Variants in RGS8 observed in about 807,000 individuals in gnomAD.
RGS8 encodes the protein regulator of G protein signaling 8, also known as regulator of G-protein signaling 8.
A neutral mutation model predicts 21.7 loss-of-function variants in RGS8; 8 were observed. That is an observed-to-expected ratio of 0.37 (90% CI 0.22 to 0.66). The LOEUF is 0.66. RGS8 is among the 30% of genes least tolerant of loss of function. The pLI is 0.59. For missense variants in RGS8, 157 were observed against 217.9 expected (o/e 0.72, Z 1.76); for synonymous variants, 80 against 83.6 (o/e 0.96, Z 0.24).
upstream of RGS8, among the ~76,000 whole-genome samples, chr1:182,685,371 C>T (rs1243368277): frequency 6.6e-6 from 1 of 152,206 alleles, no homozygotes; most frequent in Non-Finnish European, 1.5e-5. Context: ...GGAGAGGTGA[C>T]CCTTCACATG....
the RGS8 span, among the ~76,000 whole-genome samples, chr1:182,715,889 C>T: frequency 6.6e-6 from 1 of 152,094 alleles, no homozygotes; most frequent in Non-Finnish European, 1.5e-5. Flanking sequence ...AAAAATTGCT[C>T]TAAAAACACA....
At chr1:182,724,843 C>T in the RGS8 span, among the ~76,000 whole-genome samples, 361 of 152,340 alleles carry the variant, frequency 2.4e-3, 3 homozygotes, top group Non-Finnish European at 3.6e-3. Context: ...CAGGCATGAG[C>T]CACCGCGCCC....
At chr1:182,710,787 C>T in the RGS8 span, among the ~76,000 whole-genome samples, 3 of 152,114 alleles carry the variant, frequency 2.0e-5, no homozygotes, top group African/African-American at 4.8e-5. Flanking sequence ...CAGAAAAGGA[C>T]CTGAAAATGT....
chr1:182,663,566 T>C (rs752976934), intron 5 of RGS8, among the ~76,000 whole-genome samples: 2 of 152,196 alleles, frequency 1.3e-5, no homozygotes, highest in Non-Finnish European at 2.9e-5. Flanking sequence ...TCTCACTCCG[T>C]CACCCAGGCT....
chr1:182,686,044 C>T (rs1018061834), upstream of RGS8, among the ~76,000 whole-genome samples: 1 of 152,144 alleles, frequency 6.6e-6, no homozygotes. Flanking sequence ...TCAGAGGAGG[C>T]GTCCTCTGGA....
intron 5 of RGS8, among the ~76,000 whole-genome samples, chr1:182,656,292 C>A (rs893686892): frequency 1.3e-5 from 2 of 152,094 alleles, no homozygotes; most frequent in African/African-American, 2.4e-5. Context: ...ACTGTAAGCC[C>A]AAATCAGGCA....
the RGS8 span, among the ~76,000 whole-genome samples, chr1:182,741,113 A>C: frequency 6.7e-6 from 1 of 149,938 alleles, no homozygotes; most frequent in Non-Finnish European, 1.5e-5. Context: ...GGGGCTCCTC[A>C]CTTCCCAGTA....
chr1:182,726,827 T>C, the RGS8 span, among the ~76,000 whole-genome samples: 1 of 152,300 alleles, frequency 6.6e-6, no homozygotes, highest in East Asian at 1.9e-4. Context: ...TGATGGAAGC[T>C]AGCCACAACA....
At chr1:182,746,654 A>G in the RGS8 span, among the ~76,000 whole-genome samples, 1 of 152,060 alleles carries the variant, frequency 6.6e-6, no homozygotes, top group South Asian at 2.1e-4. Context: ...TCTGTCAAAA[A>G]AAGAAAGAAA....
chr1:182,723,323 T>C, the RGS8 span, among the ~76,000 whole-genome samples: 1 of 152,162 alleles, frequency 6.6e-6, no homozygotes, highest in Non-Finnish European at 1.5e-5. Context: ...AAGGCTCAAC[T>C]AGGGCTGGAG....
the RGS8 span, among the ~76,000 whole-genome samples, chr1:182,741,194 C>A: frequency 1.4e-5 from 2 of 140,212 alleles, no homozygotes; most frequent in African/African-American, 2.7e-5. Context: ...CTGACCCCCC[C>A]ACCTCCCTCC....
chr1:182,666,882 G>T, exon 4 of RGS8: 1 of 1,613,776 alleles, frequency 6.2e-7, no homozygotes, highest in South Asian at 1.1e-5. Context: ...TTGAGAGCGC[G>T]GTTGGGTTTG....
the RGS8 span, among the ~76,000 whole-genome samples, chr1:182,741,927 C>G: frequency 7.5e-6 from 1 of 133,938 alleles, no homozygotes; most frequent in East Asian, 2.2e-4. Flanking sequence ...CGGGCGGAGA[C>G]GCTCCTCACT....
chr1:182,737,733 C>G, the RGS8 span, among the ~76,000 whole-genome samples: 36 of 152,228 alleles, frequency 2.4e-4, no homozygotes, highest in East Asian at 6.6e-3. Context: ...ATAAACCATA[C>G]AAGATAACAT....
chr1:182,663,374 T>C (rs598128), intron 5 of RGS8, among the ~76,000 whole-genome samples: 12,996 of 152,194 alleles, frequency 0.085, 1,441 homozygotes, highest in African/African-American at 0.26. Context: ...ATAAAGACCC[T>C]TTCTTTTCGA....
the RGS8 span, among the ~76,000 whole-genome samples, chr1:182,699,084 G>T: frequency 1.3e-5 from 2 of 152,186 alleles, no homozygotes; most frequent in African/African-American, 2.4e-5. Flanking sequence ...AGGTGGCTGC[G>T]TAGAGGGAGT....
chr1:182,657,043 G>A (rs115755196), intron 5 of RGS8, among the ~76,000 whole-genome samples: 1,573 of 152,306 alleles, frequency 0.01, 23 homozygotes, highest in African/African-American at 0.036. Context: ...CTTGCCTGGA[G>A]CAGATGGCAG....
At chr1:182,718,808 A>C in the RGS8 span, among the ~76,000 whole-genome samples, 53,899 of 152,014 alleles carry the variant, frequency 0.35, 9,944 homozygotes, top group African/African-American at 0.47. Flanking sequence ...AAATAAATAA[A>C]TAAAACTGGG....
At chr1:182,666,219 T>C (rs1189117321) in intron 4 of RGS8, among the ~76,000 whole-genome samples, 186 bp from the exon 6 acceptor site, 1 of 152,092 alleles carries the variant, frequency 6.6e-6, no homozygotes, top group Non-Finnish European at 1.5e-5. Context: ...AAGTAACTGA[T>C]GAAAAAAAAC....
Sources: allele counts gnomAD v4.1 joint callset (sites outside exome capture counted in the v4.1 genomes callset), GRCh38; gene constraint gnomAD v4.1.1; transcripts MANE v1.5; gene names NCBI Gene and HGNC (gene_info 2026-07-23, HGNC 2026-07-21).